Variants in ARHGEF6 observed in about 807,000 individuals in gnomAD.
ARHGEF6 encodes Rac/Cdc42 guanine nucleotide exchange factor 6, also known as rho guanine nucleotide exchange factor 6.
Under a neutral mutation model 70.3 loss-of-function variants are expected in ARHGEF6, and 9 were observed. The ratio of observed to expected loss-of-function variants is 0.13; its 90% confidence interval spans 0.08 to 0.22. The LOEUF (loss-of-function observed/expected upper bound fraction) is 0.22. Among genes scored for constraint, ARHGEF6 ranks in the 10% least tolerant of loss-of-function variants. The pLI, the probability that ARHGEF6 is intolerant of heterozygous loss-of-function variation, is 1.00. For missense variants in ARHGEF6, 470 were observed against 563.0 expected (o/e 0.83, Z 1.67); for synonymous variants, 201 against 207.8 (o/e 0.97, Z 0.28).
intron 5 of ARHGEF6, among the ~76,000 whole-genome samples, chrX:136,737,845 TG>T (rs1156611273): frequency 1.9e-5 from 2 of 102,573 alleles, no homozygotes; most frequent in Non-Finnish European, 3.9e-5. Context: ...TGGCAAGAGT[TG>T]GGGTAGGAAA....
In ARHGEF6 at chrX:136,708,669, A is replaced by G; in HGVS notation, c.923+6T>C. ...GGCTATCCTATCAGAAATATGCCAC[A>G]CTTACTTTGAACATTCTTCCAAGGC... On this transcript the variant is annotated splice_donor_region_variant and intron_variant, in intron 8 of 21. Transcript: ENST00000250617. 2 of 1,192,970 alleles carry G rather than the reference A, an allele frequency of 1.7e-6. No individual in the cohort carries two copies. Among genetic ancestry groups the G allele is most frequent in the South Asian group, 1.8e-5 (1 of 56,539 alleles).
At chrX:136,744,994 A>T (rs1249590746) in intron 4 of ARHGEF6, among the ~76,000 whole-genome samples, 3 of 111,802 alleles carry the variant, frequency 2.7e-5, no homozygotes, top group Non-Finnish European at 5.6e-5. Flanking sequence ...GACTTGCCTA[A>T]TTCTCGTAAG....
chrX:136,723,494 A>G (rs991235170), intron 6 of ARHGEF6, among the ~76,000 whole-genome samples: 3 of 112,013 alleles, frequency 2.7e-5, no homozygotes, highest in African/African-American at 9.7e-5. Context: ...TCCTCAAGTA[A>G]TCACTTATAC....
At chrX:136,768,522 C>A (rs1290201694) in intron 2 of ARHGEF6, 2 of 112,073 alleles carry the variant, frequency 1.8e-5, no homozygotes, top group Non-Finnish European at 1.9e-5. Flanking sequence ...ACATTACAAC[C>A]ATTAGACATT....
At position 136,675,923 on chromosome X, in the gene ARHGEF6, T is replaced by C. The variant is rs759395662; in HGVS notation, c.1945+701A>G. On this transcript the variant is annotated intron_variant, in intron 18 of 21. Coordinates refer to ENST00000250617, the MANE Select transcript of ARHGEF6 (RefSeq NM_004840.3). The stretch of plus-strand genomic sequence containing the variant: ...TTGCAATGGCTGGATGGCAGCACCC[T>C]GTGAACACGCCAGTGTGCATAACCA... 8.7e-4 allele frequency among the ~76,000 whole-genome samples: 90 copies of C among 104,040 alleles called. 1 individual carries two copies. The highest frequency in any genetic ancestry group is 3.1e-3 in the African/African-American group (88 of 28,813). The allele number at this position is 104,040 out of a possible 115,157, so 90.3% of individuals were successfully genotyped here.
chrX:136,776,507 G>T (rs369336035), intron 2 of ARHGEF6, among the ~76,000 whole-genome samples: 26 of 111,531 alleles, frequency 2.3e-4, no homozygotes, highest in African/African-American at 8.1e-4. Flanking sequence ...AATGAACCTG[G>T]ATCCTCATCT....
At position 136,756,621 on chromosome X, in the gene ARHGEF6, G is replaced by A. The variant is rs1235972810; in HGVS notation, c.250-9029C>T. On this transcript the variant is annotated intron_variant, in intron 2 of 21. Transcript: ENST00000250617. ...CTCACCAGCAGCAAGAAGGGGTAACGTGTAATTGGAAAGACTACAATTCAC... is the reference window on the plus strand; with the variant it reads ...CTCACCAGCAGCAAGAAGGGGTAACATGTAATTGGAAAGACTACAATTCAC... Among the ~76,000 whole-genome samples the A allele has an allele frequency of 3.6e-5, 4 of 111,832 alleles. No homozygotes were observed. The East Asian group carries it at 1.1e-3, about 31-fold the overall frequency.
At chrX:136,768,575 A>G (rs1603356118) in intron 2 of ARHGEF6, 1 of 112,377 alleles carries the variant, frequency 8.9e-6, no homozygotes. Context: ...AGATGACTCA[A>G]CTGAGGCCTG....
At chrX:136,707,749 G>A (rs1368573846) in intron 8 of ARHGEF6, among the ~76,000 whole-genome samples, 2 of 111,445 alleles carry the variant, frequency 1.8e-5, no homozygotes, top group Non-Finnish European at 3.8e-5. Flanking sequence ...CCTCTCCATC[G>A]TTCTTCCTGG....
At chrX:136,680,290 T>G (rs2076320218) in intron 15 of ARHGEF6, among the ~76,000 whole-genome samples, 1 of 112,857 alleles carries the variant, frequency 8.9e-6, no homozygotes, top group African/African-American at 3.2e-5. Flanking sequence ...GCTAAAAGTT[T>G]ACCTTTGAAG....
chrX:136,713,407 G>T, intron 6 of ARHGEF6, 37 bp from the exon 7 acceptor site: 1 of 1,038,983 alleles, frequency 9.6e-7, no homozygotes. Flanking sequence ...TAATCATCAC[G>T]ATAGTCTAAG....
At chrX:136,671,802 C>A (rs2076227766) in intron 20 of ARHGEF6, among the ~76,000 whole-genome samples, 1 of 111,981 alleles carries the variant, frequency 8.9e-6, no homozygotes, top group African/African-American at 3.3e-5. Flanking sequence ...GCTGGAGCTG[C>A]CTTGGAGGGC....
In ARHGEF6 at chrX:136,680,584, T is replaced by C. The variant is rs1603334127; in HGVS notation, c.1704+147A>G. 7 of 645,241 alleles carry C rather than the reference T, an allele frequency of 1.1e-5. No homozygotes were observed. In the East Asian group the frequency reaches 2.3e-4, roughly 22 times the overall value. The allele number at this position is 645,241 out of a possible 1,213,427, so 53.2% of individuals were successfully genotyped here. The stretch of plus-strand genomic sequence containing the variant: ...TGGGCCTCATAATGAGAAATCAGAA[T>C]GAGTGAGGTTTAACTGTACTTCAAA... On this transcript the variant is annotated intron_variant, in intron 15 of 21. Coordinates refer to ENST00000250617, the MANE Select transcript of ARHGEF6 (RefSeq NM_004840.3).
At chrX:136,703,187 A>G (rs1219108568) in intron 9 of ARHGEF6, among the ~76,000 whole-genome samples, 3 of 112,523 alleles carry the variant, frequency 2.7e-5, no homozygotes, top group Admixed American at 9.4e-5. Flanking sequence ...TCTTAGATAC[A>G]ACACCAAAAG....
rs2077332253 is a variant in ARHGEF6 at position 136,767,721 on chromosome X, A to G, written c.249+11693T>C. ...CCCGCGCCGGTCCCCTCCTGCCCGC[A>G]GCCGGAGCCGAGCAGCGGAGGGAAA... On this transcript the variant is annotated intron_variant, in intron 2 of 21. Coordinates refer to ENST00000250617, the MANE Select transcript of ARHGEF6 (RefSeq NM_004840.3). 4.0e-6 allele frequency: 3 copies of G among 753,429 alleles called. No individual in the cohort carries two copies. The Admixed American group carries it at 2.6e-4, about 65-fold the overall frequency. The allele number at this position is 753,429 out of a possible 1,213,427, so 62.1% of individuals were successfully genotyped here.
chrX:136,753,693 G>A (rs1324237423), intron 2 of ARHGEF6, among the ~76,000 whole-genome samples: 2 of 112,124 alleles, frequency 1.8e-5, no homozygotes, highest in African/African-American at 3.2e-5. Context: ...TCTCCCAATA[G>A]AGAAATCTCT....
At chrX:136,690,506 C>T (rs901770801) in intron 10 of ARHGEF6, 104 bp downstream of exon 10, 20 of 947,168 alleles carry the variant, frequency 2.1e-5, no homozygotes, top group Non-Finnish European at 2.8e-5. Context: ...GAATCCAAGA[C>T]CTTGATTCCT....
chrX:136,715,332 T>G (rs1001902849), intron 6 of ARHGEF6, among the ~76,000 whole-genome samples: 2 of 111,019 alleles, frequency 1.8e-5, no homozygotes, highest in African/African-American at 6.6e-5. Context: ...ACTCATGGGG[T>G]GCAGTTAAAC....
intron 7 of ARHGEF6, among the ~76,000 whole-genome samples, chrX:136,709,464 T>C (rs1025331256): frequency 5.3e-5 from 6 of 112,790 alleles, no homozygotes; most frequent in Middle Eastern, 4.6e-3. Context: ...ATTTTAACCT[T>C]ACAATAACTC....
Sources: gnomAD v4.1 joint callset for allele counts (sites outside exome capture counted in the v4.1 genomes callset) on GRCh38, gnomAD v4.1.1 for gene constraint, MANE v1.5 for transcripts, NCBI Gene and HGNC (gene_info 2026-07-23, HGNC 2026-07-21) for gene names.